Variants in TNS1 observed in about 807,000 individuals in gnomAD.
TNS1 encodes tensin 1, also known as tensin-1.
A neutral mutation model predicts 168.6 loss-of-function variants in TNS1; 62 were observed. The ratio of observed to expected loss-of-function variants is 0.37; its 90% confidence interval spans 0.30 to 0.45. The LOEUF (loss-of-function observed/expected upper bound fraction) is 0.45, where lower values mean the gene tolerates loss of function less well. TNS1 is among the 20% of genes least tolerant of loss of function. TNS1 has a pLI of 1.00. For synonymous variants in TNS1, 934 were observed against 933.2 expected, an observed-to-expected ratio of 1.00 and a Z score of -0.02; for missense variants, 2,240 against 2,339.4, an observed-to-expected ratio of 0.96 and a Z score of 0.88.
chr2:217,959,727 G>A (rs16858496), intron 3 of TNS1, among the ~76,000 whole-genome samples: 14,907 of 152,106 alleles, frequency 0.098, 1,299 homozygotes, highest in African/African-American at 0.24. Flanking sequence ...CAAGCCCTTT[G>A]GTATTCAAGG....
intron 2 of TNS1, among the ~76,000 whole-genome samples, chr2:217,989,143 G>T (rs182339557): frequency 5.4e-4 from 82 of 152,342 alleles, no homozygotes; most frequent in African/African-American, 1.8e-3. Context: ...TGAACATGGA[G>T]TCAGGAGCAG....
At chr2:217,899,831 C>A (rs1952747010) in intron 7 of TNS1, among the ~76,000 whole-genome samples, 1 of 152,234 alleles carries the variant, frequency 6.6e-6, no homozygotes, top group South Asian at 2.1e-4. Flanking sequence ...CAGCTGGCAG[C>A]TGGGCCAGAA....
At chr2:217,943,622 C>A (rs530072205) in intron 3 of TNS1, among the ~76,000 whole-genome samples, 1 of 152,306 alleles carries the variant, frequency 6.6e-6, no homozygotes, top group Non-Finnish European at 1.5e-5. Context: ...ACATCCCTGC[C>A]AGAACCACAG....
intron 18 of TNS1, among the ~76,000 whole-genome samples, chr2:217,862,384 C>T (rs1227211723): frequency 1.3e-5 from 2 of 152,146 alleles, no homozygotes; most frequent in Non-Finnish European, 2.9e-5. Context: ...GATGGTATTA[C>T]TCTGTCTTCA....
chr2:217,880,836 G>T lies in TNS1; in HGVS notation c.1429+62C>A. 1 of 1,291,496 alleles carries T rather than the reference G, an allele frequency of 7.7e-7. No individual in the cohort carries two copies. Among genetic ancestry groups the T allele is most frequent in the Non-Finnish European group, 1.1e-6 (1 of 889,968 alleles). The allele number at this position is 1,291,496 out of a possible 1,614,324, so 80.0% of individuals were successfully genotyped here. ...CTTGAAAGCAGGCCAAGAGAAGCAA[G>T]GTCATGTGAGCAGAGGCTGTGCAGT... is the stretch of plus-strand genomic sequence containing the variant. On this transcript the variant is annotated intron_variant, in intron 18 of 32. Coordinates refer to ENST00000682258, the MANE Select transcript of TNS1 (RefSeq NM_001387777.1). The surrounding 1 kb of genome is among the most constrained non-coding windows in gnomAD (Gnocchi z 4.2).
upstream of TNS1, among the ~76,000 whole-genome samples, chr2:218,004,128 T>C (rs1394727121): frequency 6.6e-6 from 1 of 152,192 alleles, no homozygotes; most frequent in Non-Finnish European, 1.5e-5. Context: ...CTCTGTTCTT[T>C]GGAGCTGTCC....
intron 1 of TNS1, among the ~76,000 whole-genome samples, chr2:218,009,513 C>T (rs765972406): frequency 7.9e-5 from 12 of 152,074 alleles, no homozygotes; most frequent in South Asian, 2.1e-4. Flanking sequence ...CCCCTGCTCC[C>T]GCCCCCAGCC....
At chr2:217,820,010 G>A (rs539011913) in intron 23 of TNS1, among the ~76,000 whole-genome samples, 1 of 152,292 alleles carries the variant, frequency 6.6e-6, no homozygotes, top group South Asian at 2.1e-4. Context: ...CAAGGGCAAG[G>A]AGAAGGTCAG....
At chr2:217,978,929 G>A (rs1957964404) in intron 2 of TNS1, 127 bp from the exon 3 acceptor site, 2 of 676,928 alleles carry the variant, frequency 3.0e-6, no homozygotes, top group African/African-American at 3.5e-5. Context: ...GAGGGACGGA[G>A]GGAAGGAGAG....
rs1479667339 is a variant in TNS1 at position 217,800,656 on chromosome 2, A to G, written c.*3803T>C. 1 of 151,844 alleles carries G rather than the reference A, an allele frequency of 6.6e-6. No individual in the cohort carries two copies. Among genetic ancestry groups the G allele is most frequent in the African/African-American group, 2.4e-5 (1 of 41,266 alleles). 9.4% of individuals were successfully genotyped at this position (151,844 alleles called of 1,614,324 possible). On this transcript the variant is annotated 3_prime_UTR_variant, in exon 33 of 33. Coordinates refer to ENST00000682258, the MANE Select transcript of TNS1 (RefSeq NM_001387777.1). ...ACCTGGGGTAAAGGGCTGCTCTGGGACTCTGCCCCCCAACCTCTTGGAGGA... is the reference window on the plus strand; with the variant it reads ...ACCTGGGGTAAAGGGCTGCTCTGGGGCTCTGCCCCCCAACCTCTTGGAGGA...
chr2:217,811,072 G>T (rs1940803183), intron 28 of TNS1, among the ~76,000 whole-genome samples: 1 of 152,000 alleles, frequency 6.6e-6, no homozygotes. Context: ...TAAAAACAGG[G>T]TCTTCTGATA....
In TNS1 at chr2:217,967,253, G is replaced by A. The variant is rs564045768; in HGVS notation, c.186+11512C>T. ...GGAGAATGGCATGAACCCAGGAGGCGGAGCTTGCAGTGAGCCGAGATCAAG... is the reference window on the plus strand; with the variant it reads ...GGAGAATGGCATGAACCCAGGAGGCAGAGCTTGCAGTGAGCCGAGATCAAG... On this transcript the variant is annotated intron_variant, in intron 3 of 32. Coordinates refer to ENST00000682258, the MANE Select transcript of TNS1 (RefSeq NM_001387777.1). Among the ~76,000 whole-genome samples, 51 of 152,242 alleles carry A rather than the reference G, an allele frequency of 3.3e-4. No individual in the cohort carries two copies. In the South Asian group the frequency reaches 5.6e-3, roughly 17 times the overall value.
rs1957940557 is a variant in TNS1, at chr2:217,978,170, A to G, written c.186+595T>C. On this transcript the variant is annotated intron_variant, in intron 3 of 32. Transcript: ENST00000682258. ...TTGCCTCAGTTTCCCTTTCCCATCA[A>G]GACCAGCCAGAAAATACTCATGGGG... Among the ~76,000 whole-genome samples the G allele has an allele frequency of 3.3e-5, 5 of 152,258 alleles. No homozygotes were observed. In the South Asian group the frequency reaches 1.0e-3, roughly 32 times the overall value.
chr2:217,805,513 A>ACCACACCCAC (rs1559132037), intron 32 of TNS1, among the ~76,000 whole-genome samples: 3 of 27,528 alleles, frequency 1.1e-4, no homozygotes, highest in Admixed American at 5.2e-4. Context: ...ACCACCACAC[A>ACCACACCCAC]CACCACACAC....
intron 3 of TNS1, among the ~76,000 whole-genome samples, chr2:217,961,791 G>GT (rs1957503597): frequency 6.6e-6 from 1 of 152,074 alleles, no homozygotes; most frequent in Non-Finnish European, 1.5e-5. Context: ...TGAGTTCTCT[G>GT]TATCAACTTG....
At chr2:217,829,024 G>A (rs1038516485) in intron 22 of TNS1, among the ~76,000 whole-genome samples, 2 of 152,138 alleles carry the variant, frequency 1.3e-5, no homozygotes, top group Non-Finnish European at 2.9e-5. Flanking sequence ...CATCTAGCAG[G>A]TAGAATCCAG....
chr2:217,833,682 C>T (rs1205579121), intron 21 of TNS1, among the ~76,000 whole-genome samples: 5 of 152,246 alleles, frequency 3.3e-5, no homozygotes, highest in Non-Finnish European at 7.3e-5. Context: ...TCACCCTGTC[C>T]AGCACAGCAG....
chr2:218,029,302 A>C (rs1026416257), intron 1 of TNS1, among the ~76,000 whole-genome samples: 1 of 130,730 alleles, frequency 7.6e-6, no homozygotes, highest in Admixed American at 7.6e-5. Context: ...TCCCCAAGGC[A>C]TCCCTCACCC....
At chr2:217,946,939 T>C (rs757980986) in intron 3 of TNS1, among the ~76,000 whole-genome samples, 2 of 108,618 alleles carry the variant, frequency 1.8e-5, no homozygotes, top group Non-Finnish European at 3.7e-5. Flanking sequence ...CCACCATCGC[T>C]CTCTCTCTCT....
Sources: allele counts gnomAD v4.1 joint callset (sites outside exome capture counted in the v4.1 genomes callset), GRCh38; gene constraint gnomAD v4.1.1; non-coding constraint Gnocchi (gnomAD v3.1); transcripts MANE v1.5; gene names NCBI Gene and HGNC (gene_info 2026-07-23, HGNC 2026-07-21).